DIAPH1: variants seen among roughly 807,000 people sequenced by gnomAD.
The protein encoded by DIAPH1 is protein diaphanous homolog 1.
A neutral mutation model predicts 140.7 loss-of-function variants in DIAPH1; 46 were observed. The ratio of observed to expected loss-of-function variants is 0.33; its 90% CI spans 0.26 to 0.42. The LOEUF is 0.42. Among genes scored for constraint, DIAPH1 ranks in the 10% least tolerant of loss-of-function variants. The pLI is 1.00. For synonymous variants in DIAPH1, 565 were observed against 551.6 expected, an observed-to-expected ratio of 1.02 and a Z score of -0.34; for missense variants, 1,310 against 1,558.7, an observed-to-expected ratio of 0.84 and a Z score of 2.69.
At chr5:141,554,780 T>C (rs1488403885) in intron 18 of DIAPH1, among the ~76,000 whole-genome samples, 1 of 152,108 alleles carries the variant, frequency 6.6e-6, no homozygotes, top group Non-Finnish European at 1.5e-5. Context: ...CAATTACAGA[T>C]TAAAGTAGAA....
intron 18 of DIAPH1, among the ~76,000 whole-genome samples, chr5:141,556,249 G>A (rs1412199176): frequency 2.0e-5 from 3 of 151,914 alleles, no homozygotes; most frequent in African/African-American, 7.3e-5. Context: ...TTCTGTAAAA[G>A]TCCATGAAGT....
At chr5:141,548,280 TAAAAAAA>T (rs11377976) in intron 18 of DIAPH1, among the ~76,000 whole-genome samples, 2 of 134,906 alleles carry the variant, frequency 1.5e-5, no homozygotes, top group Admixed American at 7.4e-5. Flanking sequence ...TGGAATTCTT[TAAAAAAA>T]AAAAAAAGAA....
At chr5:141,604,637 A>C (rs2099900654) in intron 1 of DIAPH1, among the ~76,000 whole-genome samples, 1 of 152,240 alleles carries the variant, frequency 6.6e-6, no homozygotes, top group South Asian at 2.1e-4. Context: ...ACATACAGGC[A>C]CCAAGTATGA....
chr5:141,565,243 AAAG>A lies in DIAPH1; in HGVS notation c.2482+6182_2482+6184del, dbSNP rs1230517899. The A allele has an allele frequency of 3.3e-5, 5 of 152,234 alleles. No individual in the cohort carries two copies. The highest frequency in any genetic ancestry group is 9.6e-5 in the African/African-American group (4 of 41,464). The allele number at this position is 152,234 out of a possible 1,614,324, so 9.4% of individuals were successfully genotyped here. A position where few individuals can be genotyped will look rare whatever the true frequency, so the allele number is the denominator to read the frequency against. On this transcript the variant is annotated intron_variant, in intron 18 of 27. Coordinates refer to ENST00000389054, the MANE Select transcript of DIAPH1 (RefSeq NM_005219.5). This position sits in a 1 kb window ranked among gnomAD's most constrained non-coding sequence, Gnocchi z 4.3. ...ATAAGATCACACCAATTATATTAAAAAAGAAGTGTGTATACCTTCATGTTTCTG... is the reference window on the plus strand; with the variant it reads ...ATAAGATCACACCAATTATATTAAAAAAGTGTGTATACCTTCATGTTTCTG...
chr5:141,573,519 C>T lies in DIAPH1; in HGVS notation c.2331G>A (p.Val777=). The T allele has an allele frequency of 6.2e-7, 1 of 1,612,610 alleles. No individual in the cohort carries two copies. Among genetic ancestry groups the T allele is most frequent in the South Asian group, 1.1e-5 (1 of 91,030 alleles). ...TGGACCAGTTTGGCCTCCGGAGCTG[C>T]ACCTCTGGCTTATAAAGCTTTTTGG... ...LTPKKLYKPE[V]QLRRPNWSKL... is the part of the protein sequence containing the mutation. Residue 777 remains valine (V), a synonymous_variant, in exon 16 of 28, where the codon GTG becomes GTA. Transcript: ENST00000389054.
chr5:141,573,416 C>T lies in DIAPH1; in HGVS notation c.2358+76G>A, dbSNP rs1164082233. 7.2e-6 allele frequency: 11 copies of T among 1,528,560 alleles called. No individual in the cohort carries two copies. The East Asian group carries it at 2.6e-4, about 36-fold the overall frequency. 94.7% of individuals were successfully genotyped at this position (1,528,560 alleles called of 1,614,324 possible). ...CACCACTGCACTCCAGCCTGGGCGA[C>T]AGAGCGAAACTCCGTCTCAAAAAAA... On this transcript the variant is annotated intron_variant, in intron 16 of 27. Transcript: ENST00000389054.
intron 24 of DIAPH1, 84 bp from the exon 25 acceptor site, chr5:141,526,545 A>AATT: frequency 6.5e-7 from 1 of 1,540,346 alleles, no homozygotes; most frequent in Non-Finnish European, 9.0e-7. Flanking sequence ...AAAGATGAGT[A>AATT]CTGGCATGCA....
Position 141,515,736 on chromosome 5 carries a change from G to A in DIAPH1, c.*1115C>T, listed in dbSNP as rs1282563388. 1 of 152,146 alleles carries A rather than the reference G, an allele frequency of 6.6e-6. No individual in the cohort carries two copies. Among genetic ancestry groups the A allele is most frequent in the Non-Finnish European group, 1.5e-5 (1 of 68,044 alleles). 9.4% of individuals were successfully genotyped at this position (152,146 alleles called of 1,614,324 possible). On this transcript the variant is annotated 3_prime_UTR_variant, in exon 28 of 28. Coordinates refer to ENST00000389054, the MANE Select transcript of DIAPH1 (RefSeq NM_005219.5). Reference sequence around the variant, plus strand: ...GCCTGGCCCAGCTCAACCAGAGAAGGGGTTCCTCCTGTGTCGGATTCCCTG... The same window carrying A: ...GCCTGGCCCAGCTCAACCAGAGAAGAGGTTCCTCCTGTGTCGGATTCCCTG...
intron 19 of DIAPH1, 97 bp from the exon 20 acceptor site, chr5:141,529,794 C>T (rs2099887922): frequency 9.2e-7 from 1 of 1,089,284 alleles, no homozygotes; most frequent in Non-Finnish European, 1.4e-6. Context: ...CCTAACAGGG[C>T]TCTTTTAGGC....
intron 1 of DIAPH1, among the ~76,000 whole-genome samples, chr5:141,618,242 G>C (rs1475836484): frequency 1.3e-5 from 2 of 152,182 alleles, no homozygotes; most frequent in Non-Finnish European, 2.9e-5. Context: ...TTGGGGGTAG[G>C]GCTCAAGTCA....
At position 141,565,657 on chromosome 5, in the gene DIAPH1, G is replaced by A. The variant is rs548226273; in HGVS notation, c.2482+5771C>T. ...ATCCCCAACTGAGAATGAGGATGAG[G>A]GAGGTTTGGGCTGTTGAGGAGGAAA... On this transcript the variant is annotated intron_variant, in intron 18 of 27. Coordinates refer to ENST00000389054, the MANE Select transcript of DIAPH1 (RefSeq NM_005219.5). The surrounding 1 kb of genome is among the most constrained non-coding windows in gnomAD (Gnocchi z 4.3). 1.7e-4 allele frequency among the ~76,000 whole-genome samples: 26 copies of A among 152,278 alleles called. No individual in the cohort carries two copies. Among genetic ancestry groups the A allele is most frequent in the Admixed American group, 5.2e-4 (8 of 15,298 alleles).
chr5:141,580,510 G>C (rs778781094), intron 8 of DIAPH1, among the ~76,000 whole-genome samples: 28 of 151,926 alleles, frequency 1.8e-4, no homozygotes, highest in Non-Finnish European at 3.1e-4. Flanking sequence ...TATTAATGGA[G>C]ATATAGGAGA....
At chr5:141,618,212 A>G (rs2099902995) in intron 1 of DIAPH1, among the ~76,000 whole-genome samples, 1 of 152,254 alleles carries the variant, frequency 6.6e-6, no homozygotes. Context: ...AATCGCAAGG[A>G]CAAACGTCCA....
intron 27 of DIAPH1, among the ~76,000 whole-genome samples, chr5:141,520,502 A>G (rs1315468937): frequency 6.6e-6 from 1 of 152,026 alleles, no homozygotes; most frequent in African/African-American, 2.4e-5. Flanking sequence ...TCTAGCTCCC[A>G]CTTCCGCCTT....
At chr5:141,596,930 T>C (rs981720577) in intron 1 of DIAPH1, among the ~76,000 whole-genome samples, 2 of 152,158 alleles carry the variant, frequency 1.3e-5, no homozygotes, top group South Asian at 4.1e-4. Flanking sequence ...AAATCATTAA[T>C]ATCCACAACA....
chr5:141,618,453 G>C (rs1178961501), intron 1 of DIAPH1: 4 of 216,020 alleles, frequency 1.9e-5, no homozygotes, highest in Non-Finnish European at 2.8e-5. Flanking sequence ...CCAAAAAAGA[G>C]GAGGCGTGTT....
chr5:141,529,745 G>A (rs765981741), intron 19 of DIAPH1, 48 bp from the exon 20 acceptor site: 8 of 1,511,572 alleles, frequency 5.3e-6, no homozygotes, highest in South Asian at 2.2e-5. Flanking sequence ...GTCTGTTCCC[G>A]CTTCCAACCC....
At chr5:141,567,000 G>A (rs542434958) in intron 18 of DIAPH1, among the ~76,000 whole-genome samples, 133 of 152,332 alleles carry the variant, frequency 8.7e-4, no homozygotes, top group Non-Finnish European at 1.5e-3. Context: ...AAGTGAAAAA[G>A]GTTTTGCCAG....
intron 27 of DIAPH1, chr5:141,518,631 A>G (rs1322343826): frequency 2.5e-5 from 8 of 325,670 alleles, no homozygotes; most frequent in Admixed American, 2.4e-4. Context: ...CAAGTGATCC[A>G]CCCACCTCAG....
Sources: allele counts gnomAD v4.1 joint callset (sites outside exome capture counted in the v4.1 genomes callset), GRCh38; gene constraint gnomAD v4.1.1; non-coding constraint Gnocchi (gnomAD v3.1); transcripts MANE v1.5; gene names NCBI Gene and HGNC (gene_info 2026-07-23, HGNC 2026-07-21).